FLT1: variants seen among roughly 807,000 people sequenced by gnomAD.
The protein encoded by FLT1 is vascular endothelial growth factor receptor 1.
In FLT1, 49 loss-of-function variants were observed where a neutral mutation model predicts 156.3. The ratio of observed to expected loss-of-function variants is 0.31; its 90% CI spans 0.25 to 0.40. FLT1 has a LOEUF of 0.40. FLT1 is among the 10% of genes least tolerant of loss of function. The probability of loss-of-function intolerance (pLI) is 1.00; values close to 1 mark genes in which losing one functional copy is unlikely to be tolerated. For missense variants in FLT1, 1,322 were observed against 1,637.2 expected (o/e 0.81, Z 3.32); for synonymous variants, 594 against 583.8 (o/e 1.02, Z -0.25).
rs772152796 is a variant in FLT1, at chr13:28,353,711, A to T, written c.2248+3843T>A. 2.0e-5 allele frequency among the ~76,000 whole-genome samples: 3 copies of T among 152,216 alleles called. No homozygotes were observed. In the South Asian group the frequency reaches 6.2e-4, roughly 32 times the overall value. On this transcript the variant is annotated intron_variant, in intron 15 of 29. Coordinates refer to ENST00000282397, the MANE Select transcript of FLT1 (RefSeq NM_002019.4). The stretch of plus-strand genomic sequence containing the variant: ...GGCTACTGAGCGCTATGTTAATTTC[A>T]GAAATGATTTTAGTTACTAACACTT...
chr13:28,428,279 G>A (rs996103723), intron 8 of FLT1, among the ~76,000 whole-genome samples: 1 of 152,046 alleles, frequency 6.6e-6, no homozygotes, highest in Non-Finnish European at 1.5e-5. Flanking sequence ...GGCTCCATCA[G>A]CAGTATAAGG....
chr13:28,383,413 C>T (rs1401430440), intron 14 of FLT1, among the ~76,000 whole-genome samples: 3 of 152,156 alleles, frequency 2.0e-5, no homozygotes, highest in African/African-American at 4.8e-5. Context: ...CCTGTAATCC[C>T]AGCACTTTGG....
At chr13:28,449,524 C>G (rs1419987983) in intron 3 of FLT1, among the ~76,000 whole-genome samples, 2 of 152,124 alleles carry the variant, frequency 1.3e-5, no homozygotes, top group South Asian at 2.1e-4. Flanking sequence ...GATTCATATA[C>G]AAATTCAAAG....
At chr13:28,423,051 T>A (rs956593573) in intron 10 of FLT1, among the ~76,000 whole-genome samples, 1 of 152,184 alleles carries the variant, frequency 6.6e-6, no homozygotes, top group Non-Finnish European at 1.5e-5. Flanking sequence ...GACTGTAAGA[T>A]CAAGCGGAGC....
intron 25 of FLT1, among the ~76,000 whole-genome samples, chr13:28,313,070 C>T (rs897717286): frequency 1.3e-5 from 2 of 152,148 alleles, no homozygotes; most frequent in Admixed American, 1.3e-4. Flanking sequence ...CCTCCGGCTC[C>T]CAGGTTCAAG....
chr13:28,386,103 G>A (rs982006920), intron 13 of FLT1: 1 of 1,053,672 alleles, frequency 9.5e-7, no homozygotes, highest in Admixed American at 5.5e-5. Flanking sequence ...AGCTTTCTCT[G>A]CCCATTTTCG....
chr13:28,308,856 G>A lies in FLT1; in HGVS notation c.3707C>T (p.Thr1236Ile), dbSNP rs1394450684. The A allele has an allele frequency of 1.2e-6, 2 of 1,610,504 alleles. No individual in the cohort carries two copies. Among genetic ancestry groups the A allele is most frequent in the South Asian group, 2.2e-5 (2 of 91,000 alleles). ...KTFEELLPNATSMFDDYQGDS... is the reference protein window; with the variant it reads ...KTFEELLPNAISMFDDYQGDS... Reference sequence around the variant, plus strand: ...TTCACGACTTACATCAAACATGGAGGTGGCATTCGGTAAAAGTTCTTCAAA... The same window carrying A: ...TTCACGACTTACATCAAACATGGAGATGGCATTCGGTAAAAGTTCTTCAAA... The change falls in exon 28 of 30, where the codon ACC (threonine) becomes ATC (isoleucine). Residue 1236 changes from threonine (T) to isoleucine (I), a missense_variant. Physicochemically the swap from Thr to Ile is moderately conservative, Grantham distance 89. Transcript: ENST00000282397.
chr13:28,385,128 A>T, intron 13 of FLT1, 97 bp from the exon 14 acceptor site: 3 of 1,260,640 alleles, frequency 2.4e-6, no homozygotes, highest in Middle Eastern at 2.0e-4. Flanking sequence ...AAACAGCAAA[A>T]CTCAACTATT....
intron 1 of FLT1, among the ~76,000 whole-genome samples, chr13:28,492,824 T>C (rs1223594301): frequency 6.6e-6 from 1 of 151,990 alleles, no homozygotes; most frequent in Non-Finnish European, 1.5e-5. Context: ...AAACTATGAG[T>C]TTTCAAAAGC....
chr13:28,476,915 G>A (rs1350895653), intron 1 of FLT1, among the ~76,000 whole-genome samples: 1 of 146,848 alleles, frequency 6.8e-6, no homozygotes, highest in Non-Finnish European at 1.5e-5. Flanking sequence ...TGTAGCTCTT[G>A]GCACAAAAGA....
intron 16 of FLT1, among the ~76,000 whole-genome samples, chr13:28,342,972 C>T (rs1284694205): frequency 2.0e-5 from 3 of 149,916 alleles, no homozygotes; most frequent in African/African-American, 7.3e-5. Flanking sequence ...CTCTCTCTTT[C>T]TTTCTTTCTT....
intron 11 of FLT1, among the ~76,000 whole-genome samples, chr13:28,401,203 A>G (rs749453462): frequency 1.3e-5 from 2 of 152,166 alleles, no homozygotes; most frequent in African/African-American, 4.8e-5. Context: ...ATAAATAAAT[A>G]AATAAATAAA....
intron 3 of FLT1, among the ~76,000 whole-genome samples, chr13:28,457,498 A>G (rs1879331615): frequency 6.6e-6 from 1 of 152,210 alleles, no homozygotes; most frequent in Non-Finnish European, 1.5e-5. Context: ...TTAGTAAGCT[A>G]CCTATTTTGA....
chr13:28,447,022 G>A (rs1176867956), intron 3 of FLT1, among the ~76,000 whole-genome samples: 2 of 151,834 alleles, frequency 1.3e-5, no homozygotes, highest in East Asian at 3.9e-4. Context: ...CCATTCAGTG[G>A]GGAAAGAATA....
At chr13:28,306,218 G>A (rs910095046) in intron 29 of FLT1, among the ~76,000 whole-genome samples, 4 of 152,210 alleles carry the variant, frequency 2.6e-5, no homozygotes, top group Non-Finnish European at 5.9e-5. Flanking sequence ...AAGGGTGCCA[G>A]GATGAAATGG....
chr13:28,473,279 A>T (rs1397111871), intron 1 of FLT1, among the ~76,000 whole-genome samples: 1 of 152,192 alleles, frequency 6.6e-6, no homozygotes, highest in Non-Finnish European at 1.5e-5. Flanking sequence ...TACCCAAGAC[A>T]GATGAAAACA....
chr13:28,477,797 C>G (rs186812926), intron 1 of FLT1, among the ~76,000 whole-genome samples: 161 of 152,260 alleles, frequency 1.1e-3, no homozygotes, highest in African/African-American at 3.7e-3. Context: ...TCTGACGTCA[C>G]GTCTTATAGA....
chr13:28,471,933 CT>C (rs1566048738), intron 1 of FLT1, among the ~76,000 whole-genome samples: 1 of 152,046 alleles, frequency 6.6e-6, no homozygotes, highest in African/African-American at 2.4e-5. Context: ...TGAAAATGGG[CT>C]TTATCCCATG....
chr13:28,322,304 A>T lies in FLT1; in HGVS notation c.3009T>A (p.Ser1003Arg). 6.2e-7 allele frequency: 1 copy of T among 1,613,650 alleles called. No individual in the cohort carries two copies. Among genetic ancestry groups the T allele is most frequent in the South Asian group, 1.1e-5 (1 of 91,080 alleles). Residue 1003 changes from serine (S) to arginine (R), a missense_variant, in exon 22 of 30, where the codon AGT (serine) becomes AGA (arginine). Coordinates refer to ENST00000282397, the MANE Select transcript of FLT1 (RefSeq NM_002019.4). The surrounding 1 kb of genome is among the most constrained non-coding windows in gnomAD (Gnocchi z 4.3). ...PITMEDLISY[S>R]FQVARGMEFL... ...ACTCCATGCCTCTGGCCACTTGAAAACTGTAAGAAATCAGATCTTCCATAG... is the reference window on the plus strand; with the variant it reads ...ACTCCATGCCTCTGGCCACTTGAAATCTGTAAGAAATCAGATCTTCCATAG...
Sources: allele counts gnomAD v4.1 joint callset (sites outside exome capture counted in the v4.1 genomes callset), GRCh38; gene constraint gnomAD v4.1.1; non-coding constraint Gnocchi (gnomAD v3.1); transcripts MANE v1.5; gene names NCBI Gene and HGNC (gene_info 2026-07-23, HGNC 2026-07-21).